The following RARB variants were observed in gnomAD, a reference collection of about 807,000 sequenced individuals.
The protein encoded by RARB is HBV-activated protein.
Under a neutral mutation model 51.9 loss-of-function variants are expected in RARB, and 17 were observed. That is an observed-to-expected ratio of 0.33 (90% confidence interval 0.22 to 0.49). The LOEUF (loss-of-function observed/expected upper bound fraction) is 0.49. Ranked by LOEUF, RARB falls within the 20% of genes least tolerant of loss-of-function variation. The pLI, the probability that RARB is intolerant of heterozygous loss-of-function variation, is 0.99. For synonymous variants in RARB, 215 were observed against 195.4 expected, an observed-to-expected ratio of 1.10 and a Z score of -0.84; for missense variants, 369 against 550.8, an observed-to-expected ratio of 0.67 and a Z score of 3.30.
intron 5 of RARB, among the ~76,000 whole-genome samples, chr3:25,291,287 G>A (rs1245712255): frequency 6.6e-6 from 1 of 152,148 alleles, no homozygotes; most frequent in Non-Finnish European, 1.5e-5. Flanking sequence ...GGAACGCTGT[G>A]CATTCTGTAA....
At chr3:25,268,268 G>T (rs75738022) in intron 5 of RARB, among the ~76,000 whole-genome samples, 13 of 151,962 alleles carry the variant, frequency 8.6e-5, no homozygotes, top group Non-Finnish European at 1.3e-4. Context: ...TGAAGGGCTG[G>T]TTCATTATTT....
At chr3:24,991,067 C>G (rs1696899237) in intron 2 of RARB, among the ~76,000 whole-genome samples, 2 of 152,300 alleles carry the variant, frequency 1.3e-5, no homozygotes, top group South Asian at 4.1e-4. Flanking sequence ...GTCTTGTAAA[C>G]AGCAGCCTTC....
chr3:25,160,923 A>G (rs531447346), intron 4 of RARB, among the ~76,000 whole-genome samples: 4 of 152,156 alleles, frequency 2.6e-5, no homozygotes, highest in Middle Eastern at 3.4e-3. Context: ...CTCCTCTTCT[A>G]TAATCAAATC....
intron 5 of RARB, among the ~76,000 whole-genome samples, chr3:25,193,852 TGACA>T (rs1308838637): frequency 6.6e-6 from 1 of 152,012 alleles, no homozygotes; most frequent in African/African-American, 2.4e-5. Context: ...TACACTATAC[TGACA>T]CTCAGTTTCA....
chr3:25,507,240 G>A (rs1286646), intron 3 of RARB, among the ~76,000 whole-genome samples: 140,757 of 152,300 alleles, frequency 0.92, 65,178 homozygotes, highest in African/African-American at 0.98. Flanking sequence ...AGCTTTGCTC[G>A]GTGAAGTTAG....
chr3:25,044,501 C>T (rs539542696), intron 2 of RARB, among the ~76,000 whole-genome samples: 13 of 152,264 alleles, frequency 8.5e-5, no homozygotes, highest in African/African-American at 2.9e-4. Context: ...AACAAATCCT[C>T]GAGTTCTCAC....
chr3:25,057,080 T>G (rs1375189153), intron 2 of RARB, among the ~76,000 whole-genome samples: 1 of 152,100 alleles, frequency 6.6e-6, no homozygotes, highest in Non-Finnish European at 1.5e-5. Context: ...ATCAGGTAGA[T>G]AACTCAAAGT....
chr3:25,261,056 G>C (rs1702986087), intron 5 of RARB, among the ~76,000 whole-genome samples: 1 of 152,108 alleles, frequency 6.6e-6, no homozygotes, highest in South Asian at 2.1e-4. Flanking sequence ...TCCTAGGGTT[G>C]TTGTGGGAAT....
intron 5 of RARB, among the ~76,000 whole-genome samples, chr3:25,374,970 C>T (rs541349033): frequency 5.3e-5 from 8 of 151,938 alleles, no homozygotes; most frequent in South Asian, 2.1e-4. Flanking sequence ...TTTCTGAAAT[C>T]CATTACCTTT....
chr3:24,857,156 C>A (rs1005122254), intron 1 of RARB, among the ~76,000 whole-genome samples: 2 of 152,140 alleles, frequency 1.3e-5, no homozygotes, highest in African/African-American at 4.8e-5. Context: ...AAGGATGTTG[C>A]CATTTATACT....
At chr3:24,843,900 TAC>T (rs71057685) in intron 1 of RARB, among the ~76,000 whole-genome samples, 21,932 of 144,854 alleles carry the variant, frequency 0.15, 1,734 homozygotes, top group African/African-American at 0.24. Context: ...GATTTGAGGG[TAC>T]ACACACACAC....
At chr3:25,107,645 A>G (rs1165852599) in intron 3 of RARB, among the ~76,000 whole-genome samples, 1 of 152,158 alleles carries the variant, frequency 6.6e-6, no homozygotes, top group African/African-American at 2.4e-5. Flanking sequence ...TTTCCTACAC[A>G]TACATGCCTA....
chr3:25,314,735 A>C (rs2125435692), intron 5 of RARB, among the ~76,000 whole-genome samples: 1 of 152,200 alleles, frequency 6.6e-6, no homozygotes, highest in Non-Finnish European at 1.5e-5. Context: ...GTACATGTGC[A>C]GGTTTGTTAC....
At chr3:25,273,086 C>T (rs1163537263) in intron 5 of RARB, among the ~76,000 whole-genome samples, 1 of 152,156 alleles carries the variant, frequency 6.6e-6, no homozygotes, top group Non-Finnish European at 1.5e-5. Flanking sequence ...CCTGAGCCTA[C>T]ACAAATAGCC....
At chr3:24,840,771 A>G (rs1342496635) in intron 1 of RARB, among the ~76,000 whole-genome samples, 2 of 151,538 alleles carry the variant, frequency 1.3e-5, no homozygotes, top group African/African-American at 4.8e-5. Flanking sequence ...AAAAAAATGC[A>G]AAGATGACTT....
intron 2 of RARB, among the ~76,000 whole-genome samples, chr3:24,916,335 A>G (rs966378797): frequency 2.6e-5 from 4 of 152,186 alleles, no homozygotes; most frequent in Admixed American, 6.5e-5. Flanking sequence ...AAGGCCCCAC[A>G]GAAGGGCATC....
At chr3:25,526,788 C>T (rs1305630390) in intron 3 of RARB, among the ~76,000 whole-genome samples, 2 of 152,150 alleles carry the variant, frequency 1.3e-5, no homozygotes, top group Non-Finnish European at 2.9e-5. Flanking sequence ...GATATCTAAG[C>T]TGGTACTTAG....
chr3:25,385,502 C>T (rs1164693076), intron 5 of RARB, among the ~76,000 whole-genome samples: 1 of 152,168 alleles, frequency 6.6e-6, no homozygotes, highest in East Asian at 1.9e-4. Flanking sequence ...TGACATTTCT[C>T]CTTCAGTCGG....
At chr3:25,348,963 C>T (rs1429576424) in intron 5 of RARB, among the ~76,000 whole-genome samples, 1 of 152,158 alleles carries the variant, frequency 6.6e-6, no homozygotes, top group East Asian at 1.9e-4. Flanking sequence ...TTGAAGACTC[C>T]CCAGGTTGCA....
Sources: allele counts gnomAD v4.1 joint callset (sites outside exome capture counted in the v4.1 genomes callset), GRCh38; gene constraint gnomAD v4.1.1; transcripts MANE v1.5; gene names NCBI Gene and HGNC (gene_info 2026-07-23, HGNC 2026-07-21).